The following JAKMIP3 variants were observed in gnomAD, a reference collection of about 807,000 sequenced individuals.
JAKMIP3 encodes the protein Janus kinase and microtubule interacting protein 3, also known as janus kinase and microtubule-interacting protein 3.
JAKMIP3 carries 58 observed loss-of-function variants against 118.5 expected under a neutral mutation model. The ratio of observed to expected loss-of-function variants is 0.49; its 90% CI spans 0.40 to 0.61. The LOEUF is 0.61. JAKMIP3 is among the 20% of genes least tolerant of loss of function. JAKMIP3 has a pLI of 0.00. For synonymous variants in JAKMIP3, 486 were observed against 451.2 expected (o/e 1.08, Z -0.98); for missense variants, 950 against 1,109.0 (o/e 0.86, Z 2.04).
intron 1 of JAKMIP3, among the ~76,000 whole-genome samples, chr10:132,078,043 C>A (rs1283361579): frequency 1.3e-5 from 2 of 152,194 alleles, no homozygotes; most frequent in Non-Finnish European, 2.9e-5. Flanking sequence ...AACTCCTGGG[C>A]TCAGGTGATC....
chr10:132,168,659 C>G lies in JAKMIP3; in HGVS notation c.*729C>G. The G allele has an allele frequency of 3.1e-6, 1 of 327,110 alleles. No homozygotes were observed. Among genetic ancestry groups the G allele is most frequent in the Non-Finnish European group, 5.9e-6 (1 of 168,934 alleles). The allele number at this position is 327,110 out of a possible 1,614,324, so 20.3% of individuals were successfully genotyped here. A position where few individuals can be genotyped will look rare whatever the true frequency, so the allele number is the denominator to read the frequency against. Reference sequence around the variant, plus strand: ...CCTACTCAACCTGAGACAGGAAGGCCAAGATCCCGCCCAAGCCGCCAGCTG... The same window carrying G: ...CCTACTCAACCTGAGACAGGAAGGCGAAGATCCCGCCCAAGCCGCCAGCTG... On this transcript the variant is annotated 3_prime_UTR_variant, in exon 23 of 24. Coordinates refer to ENST00000684848, the MANE Select transcript of JAKMIP3 (RefSeq NM_001323087.2).
At chr10:132,061,226 T>G (rs9665574), upstream of JAKMIP3, among the ~76,000 whole-genome samples, 127 of 18,460 alleles carry the variant, frequency 6.9e-3, 1 homozygote, top group African/African-American at 0.026. Flanking sequence ...GGCGCACACA[T>G]ACACCTGCCG....
At chr10:132,055,523 G>T (rs749413405) in intron 1 of JAKMIP3, among the ~76,000 whole-genome samples, 2 of 152,228 alleles carry the variant, frequency 1.3e-5, no homozygotes, top group Non-Finnish European at 2.9e-5. Context: ...AAGCCCGCAG[G>T]CCATGATGAA....
chr10:132,093,497 A>G (rs1376697328), intron 1 of JAKMIP3, among the ~76,000 whole-genome samples: 3 of 152,184 alleles, frequency 2.0e-5, no homozygotes, highest in African/African-American at 4.8e-5. Flanking sequence ...CTGCTGTGCT[A>G]GCAATGAGCG....
intron 1 of JAKMIP3, among the ~76,000 whole-genome samples, chr10:132,046,582 T>C (rs535065673): frequency 6.6e-6 from 1 of 152,338 alleles, no homozygotes; most frequent in South Asian, 2.1e-4. Context: ...CCTCGTGCTG[T>C]TCAGCTGTGC....
intron 1 of JAKMIP3, among the ~76,000 whole-genome samples, chr10:132,100,812 ATTCTCTCTGCATGAGGAACCCCT>A (rs1564896797): frequency 4.7e-5 from 6 of 126,944 alleles, no homozygotes; most frequent in African/African-American, 1.7e-4. Context: ...CGCGCTCCCC[ATTCTCTCTGCATGAGGAACCCCT>A]GCCGCGCTCC....
intron 1 of JAKMIP3, among the ~76,000 whole-genome samples, chr10:132,078,181 C>G (rs1286121796): frequency 3.0e-5 from 3 of 99,000 alleles, no homozygotes; most frequent in African/African-American, 1.6e-4. Context: ...ACCAGTTTAT[C>G]TAGTGAGAAC....
intron 1 of JAKMIP3, among the ~76,000 whole-genome samples, chr10:132,041,725 C>T (rs866294756): frequency 2.0e-5 from 3 of 152,216 alleles, no homozygotes; most frequent in African/African-American, 7.2e-5. Context: ...TTTCATCGTC[C>T]GTTATAGCTG....
Position 132,180,634 on chromosome 10 carries a change from C to CGT in JAKMIP3, c.*1104-1721_*1104-1720dup, listed in dbSNP as rs1203408332. 2.0e-3 allele frequency among the ~76,000 whole-genome samples: 26 copies of CGT among 12,814 alleles called. 2 individuals are homozygous for CGT. The highest frequency in any genetic ancestry group is 0.01 in the African/African-American group (22 of 2,184). 8.4% of individuals were successfully genotyped at this position (12,814 alleles called of 152,430 possible). ...GTGTGTGCGTGTGTGTGCGTGTGTGCGTGCGTGTGTGCGTGTGCGTGTGCG... is the reference window on the plus strand; with the variant it reads ...GTGTGTGCGTGTGTGTGCGTGTGTGCGTGTGCGTGTGTGCGTGTGCGTGTGCG... On this transcript the variant is annotated intron_variant, in intron 23 of 23. Transcript: ENST00000684848.
Position 132,133,532 on chromosome 10 carries a change from G to A in JAKMIP3, c.849+5G>A. ...TCAGACCACTCGGGAAGCCCTGTAA[G>A]CACCTCCCAGGCCCACCGGCCCACC... On this transcript the variant is annotated splice_donor_5th_base_variant and intron_variant, in intron 4 of 23. Coordinates refer to ENST00000684848, the MANE Select transcript of JAKMIP3 (RefSeq NM_001323087.2). 6.4e-7 allele frequency: 1 copy of A among 1,556,290 alleles called. No individual in the cohort carries two copies. The highest frequency in any genetic ancestry group is 8.7e-7 in the Non-Finnish European group (1 of 1,151,130).
intron 1 of JAKMIP3, among the ~76,000 whole-genome samples, chr10:132,088,525 A>G (rs1311081241): frequency 6.6e-6 from 1 of 152,200 alleles, no homozygotes; most frequent in Non-Finnish European, 1.5e-5. Context: ...GTGTCTGTTC[A>G]TATCCTTCAC....
At chr10:132,043,839 T>C (rs1482779794) in intron 1 of JAKMIP3, among the ~76,000 whole-genome samples, 1 of 152,234 alleles carries the variant, frequency 6.6e-6, no homozygotes, top group Non-Finnish European at 1.5e-5. Context: ...TGGGTTGTTT[T>C]CCTTAACATT....
chr10:132,115,853 C>G (rs999874176), intron 2 of JAKMIP3, among the ~76,000 whole-genome samples: 1 of 152,258 alleles, frequency 6.6e-6, no homozygotes, highest in Non-Finnish European at 1.5e-5. Flanking sequence ...GCTCAGCTGT[C>G]CTCCAGCTCC....
At chr10:132,043,090 T>A (rs528256992) in intron 1 of JAKMIP3, among the ~76,000 whole-genome samples, 30 of 152,278 alleles carry the variant, frequency 2.0e-4, no homozygotes, top group African/African-American at 7.0e-4. Context: ...CAAGATCCTC[T>A]CTCAAAAACA....
At chr10:132,094,411 C>T (rs2043558792) in intron 1 of JAKMIP3, among the ~76,000 whole-genome samples, 1 of 152,140 alleles carries the variant, frequency 6.6e-6, no homozygotes, top group Non-Finnish European at 1.5e-5. Flanking sequence ...AAGTTTAGGG[C>T]TGAGGGCTGT....
chr10:132,100,595 C>T (rs1168873182), intron 1 of JAKMIP3, among the ~76,000 whole-genome samples: 5 of 149,246 alleles, frequency 3.4e-5, no homozygotes, highest in African/African-American at 4.8e-5. Flanking sequence ...CCCCCAGGGC[C>T]GGAGCGCAGG....
chr10:132,058,732 G>T (rs2038313244), intron 1 of JAKMIP3, among the ~76,000 whole-genome samples: 1 of 152,252 alleles, frequency 6.6e-6, no homozygotes, highest in African/African-American at 2.4e-5. Context: ...AGGTTGTCTT[G>T]ATGGGTGCTG....
chr10:132,141,393 C>G (rs1299251824), intron 10 of JAKMIP3, among the ~76,000 whole-genome samples: 1 of 152,132 alleles, frequency 6.6e-6, no homozygotes, highest in Non-Finnish European at 1.5e-5. Context: ...GCTCACCTGT[C>G]TTCTCCCTGG....
intron 19 of JAKMIP3, among the ~76,000 whole-genome samples, chr10:132,155,493 C>T (rs2136269448): frequency 6.6e-6 from 1 of 152,314 alleles, no homozygotes; most frequent in Non-Finnish European, 1.5e-5. Context: ...GGCTCAAACG[C>T]AGAAGCCTAC....
Sources: gnomAD v4.1 joint callset for allele counts (sites outside exome capture counted in the v4.1 genomes callset) on GRCh38, gnomAD v4.1.1 for gene constraint, MANE v1.5 for transcripts, NCBI Gene and HGNC (gene_info 2026-07-23, HGNC 2026-07-21) for gene names.